GLRB: variants seen among roughly 807,000 people sequenced by gnomAD.
GLRB encodes the protein glycine receptor beta, also known as glycine receptor subunit beta.
Under a neutral mutation model 54.2 loss-of-function variants are expected in GLRB, and 33 were observed. The observed-to-expected ratio is 0.61, with a 90% confidence interval of 0.46 to 0.81. The LOEUF is 0.81. GLRB is among the 40% of genes least tolerant of loss of function. The pLI is 0.00. For synonymous variants in GLRB, 209 were observed against 208.2 expected, an observed-to-expected ratio of 1.00 and a Z score of -0.03; for missense variants, 572 against 584.6, an observed-to-expected ratio of 0.98 and a Z score of 0.22.
chr4:157,123,195 A>G (rs1447713970), intron 4 of GLRB, among the ~76,000 whole-genome samples: 1 of 151,758 alleles, frequency 6.6e-6, no homozygotes, highest in African/African-American at 2.4e-5. Flanking sequence ...GGAAGAAAGA[A>G]GACCTAAGAT....
At position 157,120,605 on chromosome 4, in the gene GLRB, A is replaced by C. The variant is rs1251012068; in HGVS notation, c.172A>C (p.Asn58His). The change falls in exon 3 of 10, where the codon AAT becomes CAT. Residue 58 changes from asparagine to histidine, a missense_variant. By Grantham distance (68) the Asn-to-His change is moderately conservative (BLOSUM62 1). Transcript: ENST00000264428. ...CCGAGTACCTGCCAACTCCACTAGC[A>C]ATATCTTGAACAGGTTATTGGTCAG... ...LARVPANSTS[N>H]ILNRLLVSYD... 1.2e-6 allele frequency: 2 copies of C among 1,601,958 alleles called. No individual in the cohort carries two copies. The highest frequency in any genetic ancestry group is 2.7e-5 in the African/African-American group (2 of 74,336).
chr4:157,104,528 G>GTT (rs142545665), intron 2 of GLRB, among the ~76,000 whole-genome samples: 3 of 147,478 alleles, frequency 2.0e-5, no homozygotes, highest in East Asian at 2.0e-4. Context: ...CTTTTGATGT[G>GTT]TTTTTTTTTT....
intron 9 of GLRB, among the ~76,000 whole-genome samples, chr4:157,158,123 C>T (rs776685549): frequency 1.1e-4 from 17 of 152,080 alleles, no homozygotes; most frequent in Non-Finnish European, 2.5e-4. Context: ...CTGTTGGCTG[C>T]ATAAATGTCT....
chr4:157,131,161 A>G (rs1488490880), intron 4 of GLRB, among the ~76,000 whole-genome samples: 1 of 151,758 alleles, frequency 6.6e-6, no homozygotes, highest in Non-Finnish European at 1.5e-5. Context: ...AATCACAGGC[A>G]CTAAGGTGGG....
intron 2 of GLRB, among the ~76,000 whole-genome samples, chr4:157,083,881 A>T (rs1376851365): frequency 2.0e-5 from 3 of 152,178 alleles, no homozygotes; most frequent in Non-Finnish European, 2.9e-5. Context: ...CCTTAGGTGT[A>T]ATAGTAAGAA....
chr4:157,170,681 T>C lies in GLRB; in HGVS notation c.1447T>C (p.Phe483Leu). 1 of 1,601,906 alleles carries C rather than the reference T, an allele frequency of 6.2e-7. No homozygotes were observed. The highest frequency in any genetic ancestry group is 1.7e-4 in the Middle Eastern group (1 of 5,996). ...TCTTTATGCAAGAGCATTGTTTCCT[T>C]TCTGCTTCTTGTTCTTCAATGTTAT... Reference protein sequence around the residue: ...IDLYARALFPFCFLFFNVIYW... With the variant: ...IDLYARALFPLCFLFFNVIYW... Residue 483 changes from phenylalanine (F) to leucine (L), a missense_variant, in exon 10 of 10, where the codon TTC becomes CTC. By Grantham distance (22) the Phe-to-Leu change is conservative. Transcript: ENST00000264428.
chr4:157,083,073 C>T (rs1734283455), intron 2 of GLRB, among the ~76,000 whole-genome samples: 1 of 150,214 alleles, frequency 6.7e-6, no homozygotes, highest in African/African-American at 2.5e-5. Context: ...AAAATAAGAA[C>T]TATTTTAATA....
chr4:157,084,167 C>A (rs1734324342), intron 2 of GLRB, among the ~76,000 whole-genome samples: 1 of 152,094 alleles, frequency 6.6e-6, no homozygotes, highest in Non-Finnish European at 1.5e-5. Flanking sequence ...TCATAGCCGA[C>A]ATAATAAGCA....
Position 157,136,698 on chromosome 4 carries a change from G to C in GLRB, c.527G>C (p.Arg176Thr), listed in dbSNP as rs1053609128. ...GATGGAGATGTCCTTGTCAGCATGA[G>C]GTACTCTTTTATATTTCATATTTGT... ...FRDGDVLVSM[R>T]LSITLSCPLD... is the part of the protein sequence containing the mutation. Residue 176 changes from arginine (R) to threonine (T), a missense_variant and splice_region_variant, in exon 5 of 10, where the codon AGG becomes ACG. Transcript: ENST00000264428. 2 of 1,569,998 alleles carry C rather than the reference G, an allele frequency of 1.3e-6. No individual in the cohort carries two copies. Among genetic ancestry groups the C allele is most frequent in the African/African-American group, 2.7e-5 (2 of 74,200 alleles).
intron 4 of GLRB, among the ~76,000 whole-genome samples, chr4:157,135,697 A>G (rs1031489178): frequency 9.8e-5 from 15 of 152,294 alleles, no homozygotes; most frequent in African/African-American, 3.6e-4. Context: ...GCAGCGTGAG[A>G]ACAGACTAAT....
At position 157,082,042 on chromosome 4, in the gene GLRB, A is replaced by G. The variant is rs146298318; in HGVS notation, c.122+3896A>G. Among the ~76,000 whole-genome samples, 6 of 152,142 alleles carry G rather than the reference A, an allele frequency of 3.9e-5. No homozygotes were observed. The East Asian group carries it at 5.8e-4, about 15-fold the overall frequency. On this transcript the variant is annotated intron_variant, in intron 2 of 9. Coordinates refer to ENST00000264428, the MANE Select transcript of GLRB (RefSeq NM_000824.5). ...GTTCTTCCCTTTCCCTGAAATGCCA[A>G]TGTTTTTCTTCTTTTTAGTTAGCCT...
intron 4 of GLRB, among the ~76,000 whole-genome samples, chr4:157,135,085 C>A (rs534960032): frequency 6.6e-6 from 1 of 151,974 alleles, no homozygotes; most frequent in South Asian, 2.1e-4. Flanking sequence ...ATATTTCTAA[C>A]AACTTAAAAA....
intron 2 of GLRB, among the ~76,000 whole-genome samples, chr4:157,114,325 G>GTC (rs771410612): frequency 1.2e-4 from 18 of 149,568 alleles, no homozygotes; most frequent in Non-Finnish European, 2.1e-4. Context: ...GTCTTTCCTG[G>GTC]TCTCTCTCTC....
intron 2 of GLRB, among the ~76,000 whole-genome samples, chr4:157,081,381 A>T (rs148021888): frequency 3.9e-5 from 6 of 152,268 alleles, no homozygotes; most frequent in African/African-American, 1.2e-4. Context: ...AAAGAGTGCC[A>T]CACCCATACA....
At chr4:157,136,448 A>G in intron 4 of GLRB, 21 bp from the exon 5 acceptor site, 2 of 1,278,350 alleles carry the variant, frequency 1.6e-6, no homozygotes, top group Non-Finnish European at 2.3e-6. Context: ...ACACATGTGC[A>G]CGCATGTACT....
intron 8 of GLRB, among the ~76,000 whole-genome samples, chr4:157,148,947 T>C (rs2126594293): frequency 6.6e-6 from 1 of 152,250 alleles, no homozygotes; most frequent in Non-Finnish European, 1.5e-5. Flanking sequence ...GGAATTACGC[T>C]GCAGGTATTT....
chr4:157,162,985 C>T (rs1198253925), intron 9 of GLRB, among the ~76,000 whole-genome samples: 1 of 152,184 alleles, frequency 6.6e-6, no homozygotes, highest in Non-Finnish European at 1.5e-5. Flanking sequence ...GGGCTCCACC[C>T]AGTTTGAGCT....
At chr4:157,131,322 G>A (rs1047549185) in intron 4 of GLRB, among the ~76,000 whole-genome samples, 3 of 151,704 alleles carry the variant, frequency 2.0e-5, no homozygotes, top group South Asian at 2.1e-4. Context: ...GAGTAGACTC[G>A]ATGTAGACAT....
At chr4:157,137,034 G>T (rs573451404) in intron 6 of GLRB, 148 bp downstream of exon 6, 61 of 635,020 alleles carry the variant, frequency 9.6e-5, no homozygotes, top group African/African-American at 7.9e-4. Context: ...GGAAATTATA[G>T]TTACTCTTTT....
Sources: gnomAD v4.1 joint callset for allele counts (sites outside exome capture counted in the v4.1 genomes callset) on GRCh38, gnomAD v4.1.1 for gene constraint, MANE v1.5 for transcripts, NCBI Gene and HGNC (gene_info 2026-07-23, HGNC 2026-07-21) for gene names.